The following ASTN2 variants were observed in gnomAD, a reference collection of about 807,000 sequenced individuals.
ASTN2 encodes astrotactin 2.
In ASTN2, 54 loss-of-function variants were observed where a neutral mutation model predicts 139.8. The ratio of observed to expected loss-of-function variants is 0.39; its 90% CI spans 0.31 to 0.48. The LOEUF (loss-of-function observed/expected upper bound fraction) is 0.48. ASTN2 is among the 20% of genes least tolerant of loss of function. The probability of loss-of-function intolerance (pLI) is 0.95; values close to 1 mark genes in which losing one functional copy is unlikely to be tolerated. For synonymous variants in ASTN2, 756 were observed against 719.5 expected (o/e 1.05, Z -0.81); for missense variants, 1,565 against 1,725.1 (o/e 0.91, Z 1.64).
At chr9:116,777,546 G>A (rs1183837288) in intron 13 of ASTN2, among the ~76,000 whole-genome samples, 1 of 152,114 alleles carries the variant, frequency 6.6e-6, no homozygotes, top group Non-Finnish European at 1.5e-5. Flanking sequence ...ATCACAGAGA[G>A]TAGACGTGGC....
intron 16 of ASTN2, among the ~76,000 whole-genome samples, chr9:116,688,191 G>T (rs1262062711): frequency 6.6e-6 from 1 of 152,030 alleles, no homozygotes. Flanking sequence ...GGGATTTGGG[G>T]CATATGAGTG....
At chr9:116,615,445 A>G (rs557465036) in intron 19 of ASTN2, among the ~76,000 whole-genome samples, 2 of 152,214 alleles carry the variant, frequency 1.3e-5, no homozygotes, top group Admixed American at 6.5e-5. Context: ...TTGTGGCACT[A>G]TTCACAATAG....
intron 5 of ASTN2, among the ~76,000 whole-genome samples, chr9:117,060,537 A>AGAAG (rs1564406871): frequency 9.3e-6 from 1 of 107,918 alleles, no homozygotes; most frequent in South Asian, 3.5e-4. Flanking sequence ...AAGGAAGGAA[A>AGAAG]GAAAGAAAGA....
At chr9:116,695,502 C>T (rs986713829) in intron 16 of ASTN2, among the ~76,000 whole-genome samples, 1 of 152,152 alleles carries the variant, frequency 6.6e-6, no homozygotes, top group African/African-American at 2.4e-5. Context: ...TCTACATTAA[C>T]TCCCCTTCTT....
At chr9:116,458,719 G>C (rs1373612853) in intron 20 of ASTN2, among the ~76,000 whole-genome samples, 3 of 151,766 alleles carry the variant, frequency 2.0e-5, no homozygotes. Flanking sequence ...CATAAGACTT[G>C]AACACTAAAA....
rs553327925 is a variant in ASTN2 at position 116,592,006 on chromosome 9, C to T, written c.3355+26318G>A. Reference sequence around the variant, plus strand: ...TATGGGGAATTGGTTCCAGGTACCCCCTTGGATATCAAAATTTGCAGTGGC... The same window carrying T: ...TATGGGGAATTGGTTCCAGGTACCCTCTTGGATATCAAAATTTGCAGTGGC... On this transcript the variant is annotated intron_variant, in intron 19 of 22. Transcript: ENST00000313400. Among the ~76,000 whole-genome samples, 26 of 152,172 alleles carry T rather than the reference C, an allele frequency of 1.7e-4. No homozygotes were observed. The South Asian group carries it at 5.2e-3, about 30-fold the overall frequency.
chr9:116,986,329 C>T (rs1246983577), intron 7 of ASTN2, among the ~76,000 whole-genome samples: 1 of 152,182 alleles, frequency 6.6e-6, no homozygotes, highest in East Asian at 1.9e-4. Flanking sequence ...CTACCCTTCT[C>T]TGGATAATTC....
chr9:117,001,691 T>C (rs2132571197), intron 7 of ASTN2, among the ~76,000 whole-genome samples: 1 of 152,306 alleles, frequency 6.6e-6, no homozygotes, highest in Admixed American at 6.5e-5. Flanking sequence ...CTATTGATTT[T>C]ACAAAGCTGA....
chr9:116,466,121 G>T (rs182349356), intron 20 of ASTN2, among the ~76,000 whole-genome samples: 2 of 152,184 alleles, frequency 1.3e-5, no homozygotes, highest in African/African-American at 2.4e-5. Flanking sequence ...CTTGCTGTTT[G>T]CGGGGAGGGT....
intron 16 of ASTN2, among the ~76,000 whole-genome samples, chr9:116,725,251 G>A (rs1828586456): frequency 6.6e-6 from 1 of 152,140 alleles, no homozygotes; most frequent in South Asian, 2.1e-4. Context: ...AGAGGAAAAT[G>A]AAATCTGCTG....
At chr9:117,361,583 G>T (rs2130896331) in intron 1 of ASTN2, among the ~76,000 whole-genome samples, 1 of 152,320 alleles carries the variant, frequency 6.6e-6, no homozygotes, top group African/African-American at 2.4e-5. Context: ...AAACCAGAAT[G>T]AGGGCTCTGC....
chr9:116,496,549 T>C (rs1203067394), intron 19 of ASTN2, among the ~76,000 whole-genome samples: 2 of 152,122 alleles, frequency 1.3e-5, no homozygotes, highest in Non-Finnish European at 2.9e-5. Flanking sequence ...AAGACCCTTT[T>C]AAGGAGGGAA....
chr9:117,409,993 G>A (rs992764076), intron 1 of ASTN2, among the ~76,000 whole-genome samples: 2 of 152,080 alleles, frequency 1.3e-5, no homozygotes, highest in Admixed American at 6.5e-5. Context: ...TTGGGACCCC[G>A]CCAGCTCTAC....
intron 1 of ASTN2, among the ~76,000 whole-genome samples, chr9:117,401,024 T>C (rs1564185852): frequency 6.6e-6 from 1 of 152,196 alleles, no homozygotes; most frequent in Non-Finnish European, 1.5e-5. Flanking sequence ...CAGGCTTATT[T>C]ACTTTTGTTT....
At chr9:116,442,118 C>G (rs1847857911) in intron 21 of ASTN2, among the ~76,000 whole-genome samples, 1 of 152,168 alleles carries the variant, frequency 6.6e-6, no homozygotes, top group African/African-American at 2.4e-5. Flanking sequence ...AATGATTGGT[C>G]CCTGAGAAAT....
intron 10 of ASTN2, among the ~76,000 whole-genome samples, chr9:116,953,988 T>G (rs1430001529): frequency 1.3e-5 from 2 of 152,224 alleles, no homozygotes; most frequent in Non-Finnish European, 2.9e-5. Flanking sequence ...TATGGACATG[T>G]AAGCTTGGGC....
chr9:117,274,830 A>T (rs1003760878), intron 2 of ASTN2, among the ~76,000 whole-genome samples: 3 of 152,234 alleles, frequency 2.0e-5, no homozygotes, highest in Non-Finnish European at 4.4e-5. Flanking sequence ...TTGTTCTTCC[A>T]ATTGGATTAG....
At chr9:117,255,617 C>T (rs1381910848) in intron 2 of ASTN2, among the ~76,000 whole-genome samples, 1 of 152,176 alleles carries the variant, frequency 6.6e-6, no homozygotes, top group Non-Finnish European at 1.5e-5. Context: ...GAAGGAGAGT[C>T]TTCCCCCCAT....
intron 5 of ASTN2, among the ~76,000 whole-genome samples, chr9:117,085,878 T>A (rs1468315995): frequency 6.6e-6 from 1 of 152,222 alleles, no homozygotes; most frequent in African/African-American, 2.4e-5. Flanking sequence ...ATCCTTATAA[T>A]GGCCTGACCA....
Sources: allele counts gnomAD v4.1 joint callset (sites outside exome capture counted in the v4.1 genomes callset), GRCh38; gene constraint gnomAD v4.1.1; transcripts MANE v1.5; gene names NCBI Gene and HGNC (gene_info 2026-07-23, HGNC 2026-07-21).